RAPGEF2: variants seen among roughly 807,000 people sequenced by gnomAD.
RAPGEF2 encodes the protein Rap guanine nucleotide exchange factor 2.
Under a neutral mutation model 186.7 loss-of-function variants are expected in RAPGEF2, and 54 were observed. The ratio of observed to expected loss-of-function variants is 0.29; its 90% confidence interval spans 0.23 to 0.36. The LOEUF (loss-of-function observed/expected upper bound fraction) is 0.36, where lower values mean the gene tolerates loss of function less well. Ranked by LOEUF, RAPGEF2 falls within the 10% of genes least tolerant of loss-of-function variation. The pLI, the probability that RAPGEF2 is intolerant of heterozygous loss-of-function variation, is 1.00. For missense variants in RAPGEF2, 1,532 were observed against 2,045.0 expected, an observed-to-expected ratio of 0.75 and a Z score of 4.84; for synonymous variants, 712 against 705.9, an observed-to-expected ratio of 1.01 and a Z score of -0.14.
chr4:159,249,311 T>A (rs1468541287), intron 7 of RAPGEF2, among the ~76,000 whole-genome samples: 2 of 148,744 alleles, frequency 1.3e-5, no homozygotes, highest in African/African-American at 5.0e-5. Context: ...TTGAAAAATC[T>A]ACTTTGATAT....
intron 9 of RAPGEF2, among the ~76,000 whole-genome samples, chr4:159,318,612 T>C (rs983630085): frequency 6.6e-6 from 1 of 152,218 alleles, no homozygotes; most frequent in African/African-American, 2.4e-5. Flanking sequence ...GAAGGGACTT[T>C]ATCATATTAA....
At position 159,147,436 on chromosome 4, in the gene RAPGEF2, C is replaced by T. The variant is rs183928859; in HGVS notation, c.70-39206C>T. Among the ~76,000 whole-genome samples the T allele has an allele frequency of 1.0e-3, 155 of 151,262 alleles. 1 individual carries two copies. Among genetic ancestry groups the T allele is most frequent in the African/African-American group, 3.6e-3 (147 of 41,248 alleles). On this transcript the variant is annotated intron_variant, in intron 1 of 29. Coordinates refer to ENST00000691494, the MANE Select transcript of RAPGEF2 (RefSeq NM_001394067.2). ...AAAAAAGAGAGTAATACCCAGTTTT[C>T]CTAGGGCTTTGAGGAGACAGGTTAG... is the stretch of plus-strand genomic sequence containing the variant.
chr4:159,144,544 G>A lies in RAPGEF2; in HGVS notation c.69+40313G>A, dbSNP rs1742695992. On this transcript the variant is annotated intron_variant, in intron 1 of 29. Transcript: ENST00000691494. ...TCATCTGTTTCAGTTCTTTCAAATG[G>A]TCTCAGTTCAGTTTATTTATTTTTA... Among the ~76,000 whole-genome samples, 3 of 152,170 alleles carry A rather than the reference G, an allele frequency of 2.0e-5. No individual in the cohort carries two copies. The South Asian group carries it at 6.2e-4, about 32-fold the overall frequency.
At chr4:159,326,591 G>GCT (rs1010342911) in intron 11 of RAPGEF2, 26 of 152,218 alleles carry the variant, frequency 1.7e-4, no homozygotes, top group Admixed American at 6.5e-4. Context: ...CTCTTGTTTT[G>GCT]CTCTGGGTCC....
At chr4:159,349,993 G>C (rs1730936663) in intron 25 of RAPGEF2, 144 bp from the exon 26 acceptor site, 1 of 525,696 alleles carries the variant, frequency 1.9e-6, no homozygotes, top group Non-Finnish European at 3.2e-6. Flanking sequence ...ACCTTGAAGA[G>C]TACAAAGAAC....
intron 7 of RAPGEF2, among the ~76,000 whole-genome samples, chr4:159,298,152 T>C (rs1762239878): frequency 6.6e-6 from 1 of 152,196 alleles, no homozygotes; most frequent in South Asian, 2.1e-4. Flanking sequence ...ACCTGTAGTT[T>C]AATCAGAAAA....
chr4:159,173,215 A>C (rs2111253498), intron 1 of RAPGEF2, among the ~76,000 whole-genome samples: 1 of 152,326 alleles, frequency 6.6e-6, no homozygotes, highest in Non-Finnish European at 1.5e-5. Context: ...AAATGGCTAC[A>C]ATGAAATTTT....
intron 26 of RAPGEF2, among the ~76,000 whole-genome samples, chr4:159,351,865 C>T (rs1359884034): frequency 1.3e-5 from 2 of 152,114 alleles, no homozygotes; most frequent in South Asian, 2.1e-4. Context: ...GCAGGAGAAT[C>T]GCTTGAAGCC....
intron 13 of RAPGEF2, 91 bp downstream of exon 13, chr4:159,330,589 G>A: frequency 5.7e-6 from 5 of 882,806 alleles, no homozygotes; most frequent in South Asian, 1.8e-5. Context: ...ATTATGTCCA[G>A]ATTAATGTAA....
At chr4:159,314,565 T>C (rs1342749387) in intron 8 of RAPGEF2, 26 bp from the exon 9 acceptor site, 5 of 1,574,030 alleles carry the variant, frequency 3.2e-6, no homozygotes, top group Non-Finnish European at 4.3e-6. Context: ...TAAAATAGTT[T>C]TTAATTTTTG....
intron 1 of RAPGEF2, among the ~76,000 whole-genome samples, chr4:159,126,659 A>G (rs1391319998): frequency 6.6e-6 from 1 of 152,178 alleles, no homozygotes; most frequent in Non-Finnish European, 1.5e-5. Flanking sequence ...CCATCTTAAA[A>G]GTGTTTACAG....
chr4:159,194,252 G>A (rs1437731259), intron 3 of RAPGEF2, among the ~76,000 whole-genome samples: 3 of 152,214 alleles, frequency 2.0e-5, no homozygotes, highest in African/African-American at 7.2e-5. Context: ...CTGGCCTGTG[G>A]TGTGGGTCAG....
At position 159,356,109 on chromosome 4, in the gene RAPGEF2, C is replaced by T; in HGVS notation, c.4908C>T (p.Asp1636=). Residue 1636 remains aspartate (D), a synonymous_variant, in exon 29 of 30, where the codon GAC becomes GAT. Coordinates refer to ENST00000691494, the MANE Select transcript of RAPGEF2 (RefSeq NM_001394067.2). The part of the protein sequence containing the change: ...KPQWHKPNES[D]PRLAPYQSQG... ...AGTGGCATAAACCGAACGAGTCTGA[C>T]CCGCGCCTCGCCCCCTATCAGTCCC... is the stretch of plus-strand genomic sequence containing the variant. The T allele has an allele frequency of 6.2e-7, 1 of 1,614,188 alleles. No individual in the cohort carries two copies. Among genetic ancestry groups the T allele is most frequent in the South Asian group, 1.1e-5 (1 of 91,082 alleles).
chr4:159,215,898 G>T (rs1750952492), intron 4 of RAPGEF2, among the ~76,000 whole-genome samples: 1 of 152,148 alleles, frequency 6.6e-6, no homozygotes, highest in Non-Finnish European at 1.5e-5. Context: ...ACAGAGAGTG[G>T]AGGCTTCTCA....
intron 17 of RAPGEF2, among the ~76,000 whole-genome samples, chr4:159,335,575 C>T (rs1033558677): frequency 2.0e-5 from 3 of 152,018 alleles, no homozygotes; most frequent in Admixed American, 6.6e-5. Context: ...GTTGAGTGCG[C>T]GGTGGCTCAC....
At chr4:159,114,342 T>C (rs1422909056) in intron 1 of RAPGEF2, among the ~76,000 whole-genome samples, 1 of 152,038 alleles carries the variant, frequency 6.6e-6, no homozygotes, top group Non-Finnish European at 1.5e-5. Flanking sequence ...GACCTCGTGA[T>C]CCGCCCACTG....
chr4:159,346,093 T>G (rs1193845323), intron 24 of RAPGEF2, among the ~76,000 whole-genome samples: 1 of 152,204 alleles, frequency 6.6e-6, no homozygotes, highest in Non-Finnish European at 1.5e-5. Context: ...GTTTGTCTCC[T>G]CTTACTAGCT....
chr4:159,218,940 C>T (rs1751248839), intron 4 of RAPGEF2, among the ~76,000 whole-genome samples: 1 of 152,026 alleles, frequency 6.6e-6, no homozygotes, highest in African/African-American at 2.4e-5. Context: ...TGATTGGGCC[C>T]TCTAATTGGC....
intron 24 of RAPGEF2, among the ~76,000 whole-genome samples, chr4:159,346,436 A>G (rs1730316298): frequency 6.6e-6 from 1 of 152,216 alleles, no homozygotes; most frequent in Non-Finnish European, 1.5e-5. Context: ...GTGCCTGATG[A>G]CTTTTCTGTT....
Sources: gnomAD v4.1 joint callset for allele counts (sites outside exome capture counted in the v4.1 genomes callset) on GRCh38, gnomAD v4.1.1 for gene constraint, MANE v1.5 for transcripts, NCBI Gene and HGNC (gene_info 2026-07-23, HGNC 2026-07-21) for gene names.